The following EFHD1 variants were observed in gnomAD, a reference collection of about 807,000 sequenced individuals.
EFHD1 encodes the protein EF-hand domain family member D1, also known as EF-hand domain-containing protein D1.
EFHD1 carries 10 observed loss-of-function variants against 17.2 expected under a neutral mutation model. That is an observed-to-expected ratio of 0.58 (90% CI 0.36 to 0.99). EFHD1 has a LOEUF of 0.99. Among genes scored for constraint, EFHD1 ranks in the 50% least tolerant of loss-of-function variants. The probability of loss-of-function intolerance (pLI) is 0.01; values close to 1 mark genes in which losing one functional copy is unlikely to be tolerated. For missense variants in EFHD1, 310 were observed against 327.5 expected, an observed-to-expected ratio of 0.95 and a Z score of 0.41; for synonymous variants, 153 against 142.0, an observed-to-expected ratio of 1.08 and a Z score of -0.55.
chr2:232,648,929 T>A (rs138441017), intron 1 of EFHD1, among the ~76,000 whole-genome samples: 285 of 152,148 alleles, frequency 1.9e-3, no homozygotes, highest in African/African-American at 6.3e-3. Flanking sequence ...CCCCCTCCCA[T>A]CACTAAGGCG....
upstream of EFHD1, among the ~76,000 whole-genome samples, chr2:232,630,293 C>T (rs968910533): frequency 1.3e-5 from 2 of 152,150 alleles, no homozygotes; most frequent in Admixed American, 6.6e-5. Flanking sequence ...GACTGGACAT[C>T]GGAAAAGAGG....
At chr2:232,640,760 AC>A (rs1694416462) in intron 1 of EFHD1, among the ~76,000 whole-genome samples, 1 of 151,958 alleles carries the variant, frequency 6.6e-6, no homozygotes, top group Non-Finnish European at 1.5e-5. Flanking sequence ...AGTTGGGGAC[AC>A]TCTGACCTCA....
At chr2:232,615,867 A>T (rs1693919308) in intron 1 of EFHD1, among the ~76,000 whole-genome samples, 1 of 151,820 alleles carries the variant, frequency 6.6e-6, no homozygotes, top group Non-Finnish European at 1.5e-5. Context: ...TTGTATTTTT[A>T]GTAGAGATGG....
intron 1 of EFHD1, chr2:232,606,616 G>T (rs548824585): frequency 7.5e-5 from 15 of 199,558 alleles, no homozygotes; most frequent in Admixed American, 3.7e-4. Context: ...GACCGGGCGC[G>T]GTGGCTCAGC....
intron 2 of EFHD1, among the ~76,000 whole-genome samples, chr2:232,667,337 T>G (rs1233483279): frequency 6.6e-6 from 1 of 152,056 alleles, no homozygotes; most frequent in African/African-American, 2.4e-5. Flanking sequence ...TGCTCCGGAT[T>G]GGCTCTGCAG....
chr2:232,612,149 G>A (rs1407170127), intron 1 of EFHD1, among the ~76,000 whole-genome samples: 1 of 152,176 alleles, frequency 6.6e-6, no homozygotes, highest in Non-Finnish European at 1.5e-5. Flanking sequence ...ACTGTGCCCA[G>A]CTTGATGTCA....
intron 3 of EFHD1, among the ~76,000 whole-genome samples, chr2:232,679,450 C>T (rs887176567): frequency 6.6e-6 from 1 of 151,616 alleles, no homozygotes; most frequent in African/African-American, 2.4e-5. Context: ...CTCAGTGGTA[C>T]ATGCCCATAA....
intron 1 of EFHD1, among the ~76,000 whole-genome samples, chr2:232,656,305 C>G (rs961489782): frequency 1.3e-5 from 2 of 152,146 alleles, no homozygotes; most frequent in Non-Finnish European, 2.9e-5. Flanking sequence ...TGGCAGCCTC[C>G]CTGACTCACT....
upstream of EFHD1, among the ~76,000 whole-genome samples, chr2:232,629,846 C>A (rs1694172600): frequency 6.6e-6 from 1 of 150,786 alleles, no homozygotes; most frequent in Non-Finnish European, 1.5e-5. Context: ...ATAATTTGCC[C>A]CCTTTAGTTT....
chr2:232,656,266 A>G (rs1407304516), intron 1 of EFHD1, among the ~76,000 whole-genome samples: 2 of 152,028 alleles, frequency 1.3e-5, no homozygotes, highest in African/African-American at 4.8e-5. Flanking sequence ...TGTACTTGCC[A>G]CTATGATTTA....
At position 232,633,946 on chromosome 2, in the gene EFHD1, A is replaced by G; in HGVS notation, c.242A>G (p.Tyr81Cys). Residue 81 changes from tyrosine to cysteine, a missense_variant, in exon 1 of 4, where the codon TAC becomes TGC. Transcript: ENST00000264059. ...RPRRCRVFNP[Y>C]TEFPEFSRRL... ...CGGCGCTGCAGGGTCTTCAACCCCT[A>G]CACGGAGTTCCCGGAGTTCAGCCGC... is the stretch of plus-strand genomic sequence containing the variant. The G allele has an allele frequency of 1.3e-6, 2 of 1,597,616 alleles. No homozygotes were observed. Among genetic ancestry groups the G allele is most frequent in the Non-Finnish European group, 8.5e-7 (1 of 1,179,280 alleles).
chr2:232,658,264 C>G (rs1025743962), intron 1 of EFHD1, among the ~76,000 whole-genome samples: 3 of 152,268 alleles, frequency 2.0e-5, no homozygotes, highest in Admixed American at 2.0e-4. Context: ...TTGCTGAGAT[C>G]TTTTGGGCCT....
chr2:232,646,847 A>C (rs1378503614), intron 1 of EFHD1, among the ~76,000 whole-genome samples: 2 of 152,244 alleles, frequency 1.3e-5, no homozygotes, highest in African/African-American at 4.8e-5. Flanking sequence ...CTCTTCCTGC[A>C]GTCCCCACGC....
At chr2:232,667,756 C>T (rs1694995471) in intron 2 of EFHD1, among the ~76,000 whole-genome samples, 2 of 152,048 alleles carry the variant, frequency 1.3e-5, no homozygotes, top group African/African-American at 4.8e-5. Flanking sequence ...CAGGGTTTCA[C>T]CATGTTGGCC....
Position 232,681,616 on chromosome 2 carries a change from A to G in EFHD1, c.617A>G (p.Glu206Gly). 1 of 1,614,196 alleles carries G rather than the reference A, an allele frequency of 6.2e-7. No individual in the cohort carries two copies. The highest frequency in any genetic ancestry group is 8.5e-7 in the Non-Finnish European group (1 of 1,180,024). The change falls in exon 4 of 4, where the codon GAA becomes GGA. Residue 206 changes from glutamate (E) to glycine (G), a missense_variant. Coordinates refer to ENST00000264059, the MANE Select transcript of EFHD1 (RefSeq NM_025202.4). ...VQALSSASKF[E>G]AELKAEQDER... ...GCCTTGTCATCGGCCAGTAAGTTTG[A>G]AGCAGAGTTGAAAGCTGAGCAAGAT...
rs771233651 is a variant in EFHD1, at chr2:232,672,328, A to G, written c.470A>G (p.Lys157Arg). Residue 157 changes from lysine (K) to arginine (R), a missense_variant, in exon 3 of 4, where the codon AAG becomes AGG. Transcript: ENST00000264059. ...CTGTAGTTCCTGCTCATTTTCCACAAGGCCGCGGCAGGGGAGCTGCAGGAG... is the reference window on the plus strand; with the variant it reads ...CTGTAGTTCCTGCTCATTTTCCACAGGGCCGCGGCAGGGGAGCTGCAGGAG... ...SFREFLLIFH[K>R]AAAGELQEDS... 6.2e-7 allele frequency: 1 copy of G among 1,614,088 alleles called. No individual in the cohort carries two copies.
chr2:232,638,113 A>G (rs1165815797), intron 1 of EFHD1: 2 of 248,222 alleles, frequency 8.1e-6, no homozygotes, highest in Non-Finnish European at 1.6e-5. Flanking sequence ...CCTGATTTTA[A>G]AAGAATGAGA....
chr2:232,648,579 G>A (rs1242558763), intron 1 of EFHD1, among the ~76,000 whole-genome samples: 1 of 152,096 alleles, frequency 6.6e-6, no homozygotes, highest in Non-Finnish European at 1.5e-5. Flanking sequence ...GGCACAGCTG[G>A]GGACACCCAT....
At chr2:232,674,287 C>T (rs1695132130) in intron 3 of EFHD1, among the ~76,000 whole-genome samples, 1 of 152,206 alleles carries the variant, frequency 6.6e-6, no homozygotes, top group Non-Finnish European at 1.5e-5. Flanking sequence ...CCAAAACTTC[C>T]ATTATCAGGG....
Sources: allele counts gnomAD v4.1 joint callset (sites outside exome capture counted in the v4.1 genomes callset), GRCh38; gene constraint gnomAD v4.1.1; transcripts MANE v1.5; gene names NCBI Gene and HGNC (gene_info 2026-07-23, HGNC 2026-07-21).